USP3: variants seen among roughly 807,000 people sequenced by gnomAD.
USP3 encodes ubiquitin specific peptidase 3, also known as ubiquitin carboxyl-terminal hydrolase 3.
In USP3, 20 loss-of-function variants were observed where a neutral mutation model predicts 72.3. That is an observed-to-expected ratio of 0.28 (90% CI 0.19 to 0.40). USP3 has a LOEUF of 0.40. Among genes scored for constraint, USP3 ranks in the 10% least tolerant of loss-of-function variants. USP3 has a pLI of 1.00. For missense variants in USP3, 479 were observed against 633.9 expected (o/e 0.76, Z 2.62); for synonymous variants, 222 against 225.3 (o/e 0.99, Z 0.13).
intron 3 of USP3, among the ~76,000 whole-genome samples, chr15:63,540,478 A>T (rs2066228120): frequency 6.6e-6 from 1 of 152,214 alleles, no homozygotes; most frequent in African/African-American, 2.4e-5. Flanking sequence ...GAATTTTGTT[A>T]ACTGTCTTTC....
chr15:63,560,598 A>G (rs2066593102), intron 7 of USP3, among the ~76,000 whole-genome samples: 1 of 151,928 alleles, frequency 6.6e-6, no homozygotes, highest in Non-Finnish European at 1.5e-5. Context: ...TTTGTCCGAC[A>G]GTGTTAGGTA....
At chr15:63,508,580 C>T (rs2065743576) in intron 1 of USP3, among the ~76,000 whole-genome samples, 1 of 152,132 alleles carries the variant, frequency 6.6e-6, no homozygotes, top group Non-Finnish European at 1.5e-5. Flanking sequence ...AATAAAAGGG[C>T]ATTCTCTCAA....
chr15:63,589,658 T>C (rs1376422705), intron 14 of USP3, among the ~76,000 whole-genome samples: 1 of 152,198 alleles, frequency 6.6e-6, no homozygotes, highest in Non-Finnish European at 1.5e-5. Context: ...GGGACACTTT[T>C]AATTTGGTGC....
Position 63,588,608 on chromosome 15 carries a change from T to TA in USP3, c.1216-90dup, listed in dbSNP as rs2067122091. The TA allele has an allele frequency of 1.7e-5, 18 of 1,039,762 alleles. 1 individual carries two copies. The South Asian group carries it at 2.7e-4, about 15-fold the overall frequency. The allele number at this position is 1,039,762 out of a possible 1,614,324, so 64.4% of individuals were successfully genotyped here. On this transcript the variant is annotated intron_variant, in intron 12 of 14. Coordinates refer to ENST00000380324, the MANE Select transcript of USP3 (RefSeq NM_006537.4). The surrounding 1 kb of genome is among the most constrained non-coding windows in gnomAD (Gnocchi z 4.6). ...ATGGAAGAATGATTGATAGGGCAGCTAAAATGTTATTTACTGAACTGATAG... is the reference window on the plus strand; with the variant it reads ...ATGGAAGAATGATTGATAGGGCAGCTAAAAATGTTATTTACTGAACTGATAG...
chr15:63,511,019 T>G (rs529570334), intron 1 of USP3, among the ~76,000 whole-genome samples: 76 of 152,244 alleles, frequency 5.0e-4, no homozygotes, highest in African/African-American at 1.3e-3. Flanking sequence ...TAATTCCAGA[T>G]GTTTTCTCAT....
rs1364139777 is a variant in USP3, at chr15:63,592,044, T to TG, written c.*1221dup. On this transcript the variant is annotated 3_prime_UTR_variant, in exon 15 of 15. Coordinates refer to ENST00000380324, the MANE Select transcript of USP3 (RefSeq NM_006537.4). ...CTCCTGCCTCAACCTCCTGAGTAGC[T>TG]GGGATTACAGGTGCCCACCACTACA... is the stretch of plus-strand genomic sequence containing the variant. 1 of 152,094 alleles carries TG rather than the reference T, an allele frequency of 6.6e-6. No individual in the cohort carries two copies. The highest frequency in any genetic ancestry group is 1.5e-5 in the Non-Finnish European group (1 of 68,036). 9.4% of individuals were successfully genotyped at this position (152,094 alleles called of 1,614,324 possible). A position where few individuals can be genotyped will look rare whatever the true frequency, so the allele number is the denominator to read the frequency against.
Position 63,553,689 on chromosome 15 carries a change from C to A in USP3, c.285-26C>A. 1 of 1,604,476 alleles carries A rather than the reference C, an allele frequency of 6.2e-7. No individual in the cohort carries two copies. Among genetic ancestry groups the A allele is most frequent in the Non-Finnish European group, 8.5e-7 (1 of 1,174,796 alleles). ...CTGTGGTTTCCTCAAGCTCTTTACA[C>A]ACATTGATTAATATTTTCCTTGCAG... On this transcript the variant is annotated intron_variant, in intron 3 of 14. Coordinates refer to ENST00000380324, the MANE Select transcript of USP3 (RefSeq NM_006537.4). This position sits in a 1 kb window ranked among gnomAD's most constrained non-coding sequence, Gnocchi z 4.2.
chr15:63,582,551 C>G (rs1452979585), intron 11 of USP3, among the ~76,000 whole-genome samples: 1 of 152,144 alleles, frequency 6.6e-6, no homozygotes, highest in Non-Finnish European at 1.5e-5. Context: ...ATGGGCCTGA[C>G]CTGATCATGT....
intron 1 of USP3, among the ~76,000 whole-genome samples, chr15:63,509,414 G>A (rs979443769): frequency 2.6e-5 from 4 of 152,064 alleles, no homozygotes; most frequent in African/African-American, 7.2e-5. Flanking sequence ...CGCACTCCCA[G>A]TATTTTAGTC....
chr15:63,542,754 A>G (rs1200594122), intron 3 of USP3, among the ~76,000 whole-genome samples: 2 of 152,214 alleles, frequency 1.3e-5, no homozygotes, highest in African/African-American at 4.8e-5. Context: ...ATGAAATGCC[A>G]AAGCCATTTC....
At chr15:63,537,672 G>A (rs1595725205) in intron 3 of USP3, among the ~76,000 whole-genome samples, 1 of 152,036 alleles carries the variant, frequency 6.6e-6, no homozygotes, top group South Asian at 2.1e-4. Flanking sequence ...AATTTGGTAC[G>A]TAGCTTTCCA....
At position 63,590,725 on chromosome 15, in the gene USP3, A is replaced by G; in HGVS notation, c.1462A>G (p.Ser488Gly). 1.2e-6 allele frequency: 2 copies of G among 1,614,090 alleles called. No homozygotes were observed. The highest frequency in any genetic ancestry group is 1.7e-6 in the Non-Finnish European group (2 of 1,179,960). ...AGGCCGCTGGTTCCACTTCAATGAC[A>G]GTACTGTAACACTGACTGACGAGGA... ...HEGRWFHFND[S>G]TVTLTDEETV... is the part of the protein sequence containing the mutation. The change falls in exon 15 of 15, where the codon AGT (serine) becomes GGT (glycine). Residue 488 changes from serine (S) to glycine (G), a missense_variant. Physicochemically the swap from Ser to Gly is moderately conservative, Grantham distance 56. Transcript: ENST00000380324.
chr15:63,513,944 T>C (rs1410970736), intron 1 of USP3, among the ~76,000 whole-genome samples: 1 of 152,218 alleles, frequency 6.6e-6, no homozygotes, highest in Non-Finnish European at 1.5e-5. Context: ...TGAGCAAATT[T>C]TAATTTTAGT....
At chr15:63,557,530 TAGG>T (rs1326467880) in intron 5 of USP3, among the ~76,000 whole-genome samples, 1 of 152,206 alleles carries the variant, frequency 6.6e-6, no homozygotes, top group African/African-American at 2.4e-5. Context: ...CCCAAAGTGC[TAGG>T]AGTACAGGCA....
chr15:63,547,835 AGG>A (rs1234158897), intron 3 of USP3, among the ~76,000 whole-genome samples: 278 of 96,850 alleles, frequency 2.9e-3, no homozygotes, highest in Non-Finnish European at 4.4e-3. Context: ...AGAGAGAGAG[AGG>A]GAGGGAGGGA....
chr15:63,507,001 A>G (rs1185016886), intron 1 of USP3, among the ~76,000 whole-genome samples: 4 of 152,198 alleles, frequency 2.6e-5, no homozygotes, highest in Non-Finnish European at 5.9e-5. Flanking sequence ...CTGTCGTTTC[A>G]GTGATTAAAT....
Position 63,504,776 on chromosome 15 carries a change from G to T in USP3, c.37G>T (p.Ala13Ser), listed in dbSNP as rs1410095545. 1.2e-6 allele frequency: 2 copies of T among 1,611,620 alleles called. No individual in the cohort carries two copies. Among genetic ancestry groups the T allele is most frequent in the Non-Finnish European group, 1.7e-6 (2 of 1,179,054 alleles). Residue 13 changes from alanine to serine, a missense_variant, in exon 1 of 15, where the codon GCT (alanine) becomes TCT (serine). Physicochemically the swap from Ala to Ser is moderately conservative, Grantham distance 99 (BLOSUM62 1). Coordinates refer to ENST00000380324, the MANE Select transcript of USP3 (RefSeq NM_006537.4). ...ACACCTGAGCTCCAGCGTCTGCATT[G>T]CTCCGGACTCAGCCAAGTTCCCCAA... ...CPHLSSSVCI[A>S]PDSAKFPNGS...
chr15:63,584,153 A>G (rs1177876546), intron 11 of USP3, among the ~76,000 whole-genome samples: 2 of 131,780 alleles, frequency 1.5e-5, no homozygotes, highest in Non-Finnish European at 3.0e-5. Context: ...GCTGGAGTGC[A>G]GTGGCATGAT....
chr15:63,507,805 G>A (rs1377809995), intron 1 of USP3, among the ~76,000 whole-genome samples: 2 of 152,116 alleles, frequency 1.3e-5, no homozygotes, highest in African/African-American at 2.4e-5. Flanking sequence ...AAGAGCCTTC[G>A]TGTAGCTTAT....
Sources: allele counts gnomAD v4.1 joint callset (sites outside exome capture counted in the v4.1 genomes callset), GRCh38; gene constraint gnomAD v4.1.1; non-coding constraint Gnocchi (gnomAD v3.1); transcripts MANE v1.5; gene names NCBI Gene and HGNC (gene_info 2026-07-23, HGNC 2026-07-21).